SH3BGRL2: variants seen among roughly 807,000 people sequenced by gnomAD.
The protein encoded by SH3BGRL2 is SH3 domain binding glutamate rich protein like 2.
SH3BGRL2 carries 21 observed loss-of-function variants against 14.8 expected under a neutral mutation model. The observed-to-expected ratio is 1.42, with a 90% CI of 1.01 to 2.05. The LOEUF is 2.05. Ranked by LOEUF, SH3BGRL2 falls within the 30% of genes most tolerant of loss-of-function variation. SH3BGRL2 has a pLI of 0.00. For missense variants in SH3BGRL2, 147 were observed against 130.8 expected (o/e 1.12, Z -0.61); for synonymous variants, 50 against 47.8 (o/e 1.05, Z -0.19).
chr6:79,553,290 G>C, the SH3BGRL2 span: 1 of 152,132 alleles, frequency 6.6e-6, no homozygotes, highest in Admixed American at 6.6e-5. Flanking sequence ...TTGTTAGTAA[G>C]AATTAATATG....
the SH3BGRL2 span, among the ~76,000 whole-genome samples, chr6:79,591,433 C>T: frequency 2.0e-5 from 3 of 151,996 alleles, no homozygotes; most frequent in African/African-American, 4.8e-5. Flanking sequence ...TTGTTTTAGA[C>T]GGAGTCTTGC....
At chr6:79,612,600 A>T in the SH3BGRL2 span, among the ~76,000 whole-genome samples, 1 of 152,244 alleles carries the variant, frequency 6.6e-6, no homozygotes. Flanking sequence ...AATCCGAACC[A>T]GTGAATAATA....
At chr6:79,663,129 C>G (rs1769587875) in intron 1 of SH3BGRL2, among the ~76,000 whole-genome samples, 1 of 152,100 alleles carries the variant, frequency 6.6e-6, no homozygotes, top group Non-Finnish European at 1.5e-5. Context: ...TTATTACCGA[C>G]ATTCTGAAGC....
At chr6:79,667,515 C>T (rs1023705281) in intron 1 of SH3BGRL2, among the ~76,000 whole-genome samples, 1 of 151,588 alleles carries the variant, frequency 6.6e-6, no homozygotes, top group African/African-American at 2.4e-5. Context: ...GGTGTGATCT[C>T]AGCTCACTGC....
In SH3BGRL2 at chr6:79,650,017, AG is replaced by A. The variant is rs775642558; in HGVS notation, c.45+18512del. On this transcript the variant is annotated intron_variant, in intron 1 of 3. Coordinates refer to ENST00000369838, the MANE Select transcript of SH3BGRL2 (RefSeq NM_031469.4). Reference sequence around the variant, plus strand: ...CACACACACACACACACACACACACAGTTACCCTAATTCTCCTTTGTTAATT... The same window carrying A: ...CACACACACACACACACACACACACATTACCCTAATTCTCCTTTGTTAATT... Among the ~76,000 whole-genome samples, 1,223 of 151,206 alleles carry A rather than the reference AG, an allele frequency of 8.1e-3. 18 individuals are homozygous for A. Among genetic ancestry groups the A allele is most frequent in the African/African-American group, 0.028 (1,166 of 41,136 alleles).
the SH3BGRL2 span, among the ~76,000 whole-genome samples, chr6:79,568,802 G>T: frequency 6.6e-6 from 1 of 152,176 alleles, no homozygotes; most frequent in East Asian, 1.9e-4. Context: ...TAAGCTCAGT[G>T]GTAGGTGGGA....
intron 1 of SH3BGRL2, among the ~76,000 whole-genome samples, chr6:79,632,912 G>A (rs1010864848): frequency 2.6e-5 from 4 of 152,202 alleles, no homozygotes; most frequent in Non-Finnish European, 5.9e-5. Flanking sequence ...CCACCGACTT[G>A]CATGCTTCAA....
At chr6:79,566,121 T>A in the SH3BGRL2 span, among the ~76,000 whole-genome samples, 1 of 152,168 alleles carries the variant, frequency 6.6e-6, no homozygotes, top group Non-Finnish European at 1.5e-5. Context: ...GGAATGAAGC[T>A]GAGAGCTTGC....
chr6:79,674,955 G>T (rs1769851828), intron 2 of SH3BGRL2, among the ~76,000 whole-genome samples: 1 of 152,108 alleles, frequency 6.6e-6, no homozygotes, highest in Non-Finnish European at 1.5e-5. Context: ...AATGAAAATT[G>T]TTATTTTATG....
chr6:79,608,942 A>G, the SH3BGRL2 span, among the ~76,000 whole-genome samples: 4 of 152,336 alleles, frequency 2.6e-5, no homozygotes, highest in East Asian at 1.9e-4. Flanking sequence ...AGAGCCCTAT[A>G]CTAACAATGT....
chr6:79,701,685 C>G lies in SH3BGRL2; in HGVS notation c.*2176C>G, dbSNP rs1770461336. On this transcript the variant is annotated 3_prime_UTR_variant, in exon 4 of 4. Transcript: ENST00000369838. ...GCTGTACTTGTTATGAGTGAGGCAG[C>G]AGCACAGTGTGTGGCATTTACATGG... The G allele has an allele frequency of 1.3e-5, 2 of 149,554 alleles. No individual in the cohort carries two copies. Among genetic ancestry groups the G allele is most frequent in the Non-Finnish European group, 1.5e-5 (1 of 67,792 alleles). The allele number at this position is 149,554 out of a possible 1,614,324, so 9.3% of individuals were successfully genotyped here.
At chr6:79,658,655 C>G (rs1381932465) in intron 1 of SH3BGRL2, among the ~76,000 whole-genome samples, 1 of 150,920 alleles carries the variant, frequency 6.6e-6, no homozygotes, top group Non-Finnish European at 1.5e-5. Flanking sequence ...TGGGTATATA[C>G]CCAGTAATGG....
At chr6:79,642,752 A>T (rs2127724275) in intron 1 of SH3BGRL2, among the ~76,000 whole-genome samples, 1 of 152,332 alleles carries the variant, frequency 6.6e-6, no homozygotes, top group African/African-American at 2.4e-5. Flanking sequence ...GAATTGATGG[A>T]TATCCTCTGC....
chr6:79,699,100 G>A (rs535226883), intron 3 of SH3BGRL2, among the ~76,000 whole-genome samples: 1 of 151,034 alleles, frequency 6.6e-6, no homozygotes, highest in Non-Finnish European at 1.5e-5. Flanking sequence ...GGGGACTGGG[G>A]CAGCGACTCT....
the SH3BGRL2 span, among the ~76,000 whole-genome samples, chr6:79,625,184 ATATATATATACACACACACATAC>A: frequency 0.021 from 3,074 of 146,576 alleles, 106 homozygotes; most frequent in African/African-American, 0.079. Context: ...ATTAAAAAAA[ATATATATATACACACACACATAC>A]ATATATATAC....
chr6:79,699,450 A>G (rs1286319131), intron 3 of SH3BGRL2, 48 bp from the exon 4 acceptor site: 1 of 1,496,438 alleles, frequency 6.7e-7, no homozygotes. Context: ...TGTCGATGTA[A>G]TGCAATAACT....
At position 79,683,736 on chromosome 6, in the gene SH3BGRL2, C is replaced by T. The variant is rs148297964; in HGVS notation, c.231+9937C>T. On this transcript the variant is annotated intron_variant, in intron 2 of 3. Transcript: ENST00000369838. Reference sequence around the variant, plus strand: ...TGCTGGGATTACAGGCGTGAGCCACCGTGCTCGGCCGTAAACATCCTTCTT... The same window carrying T: ...TGCTGGGATTACAGGCGTGAGCCACTGTGCTCGGCCGTAAACATCCTTCTT... 3.9e-3 allele frequency among the ~76,000 whole-genome samples: 588 copies of T among 152,302 alleles called. 4 individuals carry two copies. The highest frequency in any genetic ancestry group is 0.014 in the Middle Eastern group (4 of 294).
rs1770450789 is a variant in SH3BGRL2, at chr6:79,701,282, A to C, written c.*1773A>C. The C allele has an allele frequency of 6.6e-6, 1 of 152,080 alleles. No individual in the cohort carries two copies. The highest frequency in any genetic ancestry group is 2.4e-5 in the African/African-American group (1 of 41,406). The allele number at this position is 152,080 out of a possible 1,614,324, so 9.4% of individuals were successfully genotyped here. ...TTTTTTTAACTGGATATTGTGTTTG[A>C]GTATGTGAGTCTTCTGATAAAACTC... On this transcript the variant is annotated 3_prime_UTR_variant, in exon 4 of 4. Transcript: ENST00000369838.
intron 2 of SH3BGRL2, among the ~76,000 whole-genome samples, chr6:79,685,501 T>C (rs1770073686): frequency 6.6e-6 from 1 of 152,180 alleles, no homozygotes; most frequent in Non-Finnish European, 1.5e-5. Context: ...TGTATTAATA[T>C]CTATATTCCT....
Sources: allele counts gnomAD v4.1 joint callset (sites outside exome capture counted in the v4.1 genomes callset), GRCh38; gene constraint gnomAD v4.1.1; transcripts MANE v1.5; gene names NCBI Gene and HGNC (gene_info 2026-07-23, HGNC 2026-07-21).